Variants in CDC42BPA observed in about 807,000 individuals in gnomAD.
CDC42BPA encodes serine/threonine-protein kinase MRCK alpha.
CDC42BPA carries 80 observed loss-of-function variants against 223.5 expected under a neutral mutation model. The ratio of observed to expected loss-of-function variants is 0.36; its 90% CI spans 0.30 to 0.43. The LOEUF (loss-of-function observed/expected upper bound fraction) is 0.43. Ranked by LOEUF, CDC42BPA falls within the 20% of genes least tolerant of loss-of-function variation. The probability of loss-of-function intolerance (pLI) is 1.00; values close to 1 mark genes in which losing one functional copy is unlikely to be tolerated. For synonymous variants in CDC42BPA, 694 were observed against 718.6 expected (o/e 0.97, Z 0.55); for missense variants, 1,743 against 2,099.9 (o/e 0.83, Z 3.32).
chr1:227,132,543 T>A (rs9426608), intron 10 of CDC42BPA, among the ~76,000 whole-genome samples: 1 of 121,538 alleles, frequency 8.2e-6, no homozygotes, highest in South Asian at 2.3e-4. Context: ...AGCCTCTGCC[T>A]GGCTGCCACC....
intron 14 of CDC42BPA, among the ~76,000 whole-genome samples, chr1:227,107,177 C>A (rs1424265474): frequency 6.6e-6 from 1 of 152,186 alleles, no homozygotes; most frequent in Non-Finnish European, 1.5e-5. Flanking sequence ...TCCCACTATT[C>A]ATAAACATGA....
At chr1:227,129,714 T>TATATATAC (rs140091366) in intron 10 of CDC42BPA, among the ~76,000 whole-genome samples, 12 of 105,810 alleles carry the variant, frequency 1.1e-4, no homozygotes, top group East Asian at 2.6e-4. Context: ...TATATATATA[T>TATATATAC]ACAAAAGAAT....
At chr1:227,006,734 A>G (rs922590499) in intron 34 of CDC42BPA, among the ~76,000 whole-genome samples, 1 of 152,166 alleles carries the variant, frequency 6.6e-6, no homozygotes, top group Non-Finnish European at 1.5e-5. Flanking sequence ...CAGGAATTCG[A>G]GACCAGCCTG....
intron 21 of CDC42BPA, among the ~76,000 whole-genome samples, chr1:227,061,130 G>C (rs536722751): frequency 2.6e-5 from 4 of 152,232 alleles, no homozygotes; most frequent in African/African-American, 9.6e-5. Context: ...TTCTAAAGAA[G>C]TTTTTCCATT....
At chr1:227,005,179 T>C (rs1663755783) in intron 34 of CDC42BPA, 68 bp from the exon 35 acceptor site, 1 of 998,082 alleles carries the variant, frequency 1.0e-6, no homozygotes, top group East Asian at 2.4e-5. Flanking sequence ...GAGATGTCTA[T>C]TTTTCACTAT....
At chr1:227,214,598 T>C (rs2813960) in intron 2 of CDC42BPA, among the ~76,000 whole-genome samples, 47,529 of 151,910 alleles carry the variant, frequency 0.31, 7,629 homozygotes, top group East Asian at 0.37. Flanking sequence ...TGCACATGGA[T>C]AGAGGGACAG....
At chr1:227,290,507 T>C (rs1412767552) in intron 1 of CDC42BPA, among the ~76,000 whole-genome samples, 1 of 147,728 alleles carries the variant, frequency 6.8e-6, no homozygotes, top group Non-Finnish European at 1.5e-5. Flanking sequence ...CAGATACCAG[T>C]AACACAGATA....
At chr1:227,299,289 C>CACAGCAATCATCTTTGTAT (rs1297189763) in intron 1 of CDC42BPA, among the ~76,000 whole-genome samples, 1 of 152,180 alleles carries the variant, frequency 6.6e-6, no homozygotes, top group East Asian at 1.9e-4. Flanking sequence ...AATGCCCTCT[C>CACAGCAATCATCTTTGTAT]ACAGCAATCA....
intron 3 of CDC42BPA, among the ~76,000 whole-genome samples, chr1:227,208,988 G>A (rs1673363927): frequency 1.3e-5 from 2 of 151,936 alleles, no homozygotes; most frequent in Non-Finnish European, 2.9e-5. Flanking sequence ...CTACCCATGA[G>A]CATGGAATGT....
At chr1:227,163,826 C>T (rs1465831479) in intron 5 of CDC42BPA, among the ~76,000 whole-genome samples, 5 of 151,126 alleles carry the variant, frequency 3.3e-5, no homozygotes, top group African/African-American at 9.7e-5. Flanking sequence ...GGATGGTGTC[C>T]TAATTTTCTC....
At chr1:227,132,962 C>A in intron 10 of CDC42BPA, among the ~76,000 whole-genome samples, 1 of 150,174 alleles carries the variant, frequency 6.7e-6, no homozygotes, top group East Asian at 2.0e-4. Context: ...AAGTGAGGAG[C>A]CCCGCCGTCC....
Position 227,017,043 on chromosome 1 carries a change from G to A in CDC42BPA, c.4623C>T (p.Asp1541=), listed in dbSNP as rs555844878. The A allele has an allele frequency of 3.1e-5, 49 of 1,606,344 alleles. No homozygotes were observed. The Admixed American group carries it at 7.2e-4, about 24-fold the overall frequency. ...IYFKNKMAEG[D]ELVVPETSDN... ...CTGATGTTTCAGGTACTACCAGTTC[G>A]TCCCCTTCTGTTAAAATAAAAATAC... is the stretch of plus-strand genomic sequence containing the variant. The change falls in exon 33 of 37, where the codon GAC becomes GAT. Residue 1541 remains aspartate (D), a synonymous_variant. Coordinates refer to ENST00000366766, the MANE Select transcript of CDC42BPA (RefSeq NM_001394014.1).
At chr1:227,058,875 T>TA (rs59841633) in intron 21 of CDC42BPA, among the ~76,000 whole-genome samples, 25,366 of 146,856 alleles carry the variant, frequency 0.17, 2,242 homozygotes, top group Non-Finnish European at 0.2. Context: ...TGAACTACAT[T>TA]AAAAAAAAAA....
chr1:227,146,534 T>C (rs537425856), intron 7 of CDC42BPA, among the ~76,000 whole-genome samples: 1 of 152,268 alleles, frequency 6.6e-6, no homozygotes, highest in African/African-American at 2.4e-5. Flanking sequence ...GAATAGATTA[T>C]CATTCCCTTC....
intron 6 of CDC42BPA, among the ~76,000 whole-genome samples, chr1:227,155,093 C>T (rs542533307): frequency 6.6e-6 from 1 of 152,092 alleles, no homozygotes; most frequent in Non-Finnish European, 1.5e-5. Context: ...GGGAAAAGCT[C>T]GTAGATTTGA....
intron 2 of CDC42BPA, among the ~76,000 whole-genome samples, chr1:227,242,366 C>T (rs190455460): frequency 1.3e-5 from 2 of 152,116 alleles, no homozygotes; most frequent in Non-Finnish European, 2.9e-5. Flanking sequence ...GGATGATGCC[C>T]ACTTTCAGCA....
chr1:227,290,338 C>G (rs188256655), intron 1 of CDC42BPA, among the ~76,000 whole-genome samples: 65 of 152,262 alleles, frequency 4.3e-4, no homozygotes, highest in Admixed American at 1.5e-3. Context: ...TCTCTACTGC[C>G]CCCTTTATTA....
chr1:227,144,574 C>CAAAAAAAAAAAAA (rs57568297), intron 8 of CDC42BPA, among the ~76,000 whole-genome samples: 29 of 63,482 alleles, frequency 4.6e-4, no homozygotes, highest in South Asian at 7.4e-4. Context: ...GACTCTGTCT[C>CAAAAAAAAAAAAA]AAAAAAAAAA....
intron 2 of CDC42BPA, among the ~76,000 whole-genome samples, chr1:227,239,734 A>C (rs973371007): frequency 2.6e-5 from 4 of 152,260 alleles, no homozygotes; most frequent in Admixed American, 2.6e-4. Context: ...TGCTCAGCAA[A>C]CTATTATAGT....
Sources: gnomAD v4.1 joint callset for allele counts (sites outside exome capture counted in the v4.1 genomes callset) on GRCh38, gnomAD v4.1.1 for gene constraint, MANE v1.5 for transcripts, NCBI Gene and HGNC (gene_info 2026-07-23, HGNC 2026-07-21) for gene names.